ZNF785: variants seen among roughly 807,000 people sequenced by gnomAD.
ZNF785 encodes zinc finger protein 785.
ZNF785 carries 15 observed loss-of-function variants against 11.3 expected under a neutral mutation model. The ratio of observed to expected loss-of-function variants is 1.32; its 90% CI spans 0.89 to 2.04. The LOEUF (loss-of-function observed/expected upper bound fraction) is 2.04, where lower values mean the gene tolerates loss of function less well. Ranked by LOEUF, ZNF785 falls within the 30% of genes most tolerant of loss-of-function variation. ZNF785 has a pLI of 0.00. For synonymous variants in ZNF785, 221 were observed against 231.0 expected (o/e 0.96, Z 0.39); for missense variants, 572 against 560.9 (o/e 1.02, Z -0.20).
Position 30,582,646 on chromosome 16 carries a change from G to C in ZNF785, c.1132C>G (p.Arg378Gly). 1.9e-6 allele frequency: 3 copies of C among 1,614,168 alleles called. No homozygotes were observed. The highest frequency in any genetic ancestry group is 1.3e-5 in the African/African-American group (1 of 75,070). The stretch of plus-strand genomic sequence containing the variant: ...CCCAAAACAGGGATGGGCTCTGAAC[G>C]CCCCACCACGGCCTGCTGCCACGCG... Reference protein sequence around the residue: ...RRAWQQAVVGRSEPIPVLGGK... With the variant: ...RRAWQQAVVGGSEPIPVLGGK... The change falls in exon 3 of 3, where the codon CGT becomes GGT. Residue 378 changes from arginine (R) to glycine (G), a missense_variant. Transcript: ENST00000395216.
intron 2 of ZNF785, among the ~76,000 whole-genome samples, chr16:30,584,071 G>A (rs1290704920): frequency 6.7e-6 from 1 of 150,110 alleles, no homozygotes; most frequent in East Asian, 2.0e-4. Context: ...CTGGAACTGG[G>A]GAGGTGGAGG....
chr16:30,579,232 A>G (rs923984874), downstream of ZNF785: 2 of 152,962 alleles, frequency 1.3e-5, no homozygotes, highest in Non-Finnish European at 2.9e-5. Context: ...GCAGATTGAC[A>G]TGTGTAAAAC....
In ZNF785 at chr16:30,585,291, G is replaced by T; in HGVS notation, c.206-41C>A. 1 of 1,609,266 alleles carries T rather than the reference G, an allele frequency of 6.2e-7. No individual in the cohort carries two copies. Among genetic ancestry groups the T allele is most frequent in the Non-Finnish European group, 8.5e-7 (1 of 1,178,150 alleles). On this transcript the variant is annotated intron_variant, in intron 1 of 2. Coordinates refer to ENST00000395216, the MANE Select transcript of ZNF785 (RefSeq NM_152458.7). This position sits in a 1 kb window ranked among gnomAD's most constrained non-coding sequence, Gnocchi z 4.0. ...AATGGGCTCGGCTGAGCGCACGGGA[G>T]GGGAGAATGAGACTGCTCCCTCGGC...
rs1596577319 is a variant in ZNF785, at chr16:30,585,668, G to C, written c.-57C>G. On this transcript the variant is annotated 5_prime_UTR_variant, in exon 1 of 3. Coordinates refer to ENST00000395216, the MANE Select transcript of ZNF785 (RefSeq NM_152458.7). The surrounding 1 kb of genome is among the most constrained non-coding windows in gnomAD (Gnocchi z 4.0). ...TTCCGGGGAAGGTGGAGATGCTGGC[G>C]CTTTCCTGTCTTTCCTCAGACAAGT... 2 of 1,444,452 alleles carry C rather than the reference G, an allele frequency of 1.4e-6. No individual in the cohort carries two copies. The highest frequency in any genetic ancestry group is 9.0e-7 in the Non-Finnish European group (1 of 1,106,278). The allele number at this position is 1,444,452 out of a possible 1,614,324, so 89.5% of individuals were successfully genotyped here.
In ZNF785 at chr16:30,582,791, A is replaced by T; in HGVS notation, c.987T>A (p.Ser329Arg). 3.1e-6 allele frequency: 5 copies of T among 1,606,460 alleles called. No individual in the cohort carries two copies. The highest frequency in any genetic ancestry group is 4.3e-6 in the Non-Finnish European group (5 of 1,175,054). The change falls in exon 3 of 3, where the codon AGT (serine) becomes AGA (arginine). Residue 329 changes from serine (S) to arginine (R), a missense_variant. Ser to Arg is a moderately radical substitution (Grantham distance 110, BLOSUM62 -1). Coordinates refer to ENST00000395216, the MANE Select transcript of ZNF785 (RefSeq NM_152458.7). ...GGCTGTCGGAGTGAATGCGCCGGTG[A>T]CTGAGGAGGAGGGAAGAATAGGTGA... ...RRFTYSSLLL[S>R]HRRIHSDSRP...
chr16:30,584,931 T>C (rs2051868213), intron 2 of ZNF785, among the ~76,000 whole-genome samples, 191 bp downstream of exon 2: 2 of 152,108 alleles, frequency 1.3e-5, no homozygotes. Flanking sequence ...TTTTCCAGTA[T>C]GGTTAATCGG....
downstream of ZNF785, chr16:30,579,528 C>T (rs2051779721): frequency 2.2e-5 from 6 of 272,180 alleles, no homozygotes; most frequent in South Asian, 2.2e-4. Context: ...GCTGGGACTA[C>T]AGGCATGTGC....
In ZNF785 at chr16:30,584,174, C is replaced by T. The variant is rs138572434; in HGVS notation, c.335-731G>A. Among the ~76,000 whole-genome samples, 100 of 152,140 alleles carry T rather than the reference C, an allele frequency of 6.6e-4. 2 individuals are homozygous for T. Among genetic ancestry groups the T allele is most frequent in the African/African-American group, 2.4e-3 (98 of 41,534 alleles). ...AAATAAAAAAAGAAAAAGGAGTGAACAATATTGAACGCTTAACTCTGTGTC... is the reference window on the plus strand; with the variant it reads ...AAATAAAAAAAGAAAAAGGAGTGAATAATATTGAACGCTTAACTCTGTGTC... On this transcript the variant is annotated intron_variant, in intron 2 of 2. Coordinates refer to ENST00000395216, the MANE Select transcript of ZNF785 (RefSeq NM_152458.7).
chr16:30,585,402 C>T lies in ZNF785; in HGVS notation c.205+5G>A. 1 of 1,583,868 alleles carries T rather than the reference C, an allele frequency of 6.3e-7. No homozygotes were observed. Among genetic ancestry groups the T allele is most frequent in the East Asian group, 2.3e-5 (1 of 43,354 alleles). ...GGGGGTCCCGGCCGGAGGGCCCGGCCTCACCCAGCGCGCCCAGGTGGCCGA... is the reference window on the plus strand; with the variant it reads ...GGGGGTCCCGGCCGGAGGGCCCGGCTTCACCCAGCGCGCCCAGGTGGCCGA... On this transcript the variant is annotated splice_donor_5th_base_variant and intron_variant, in intron 1 of 2. Transcript: ENST00000395216. This position sits in a 1 kb window ranked among gnomAD's most constrained non-coding sequence, Gnocchi z 4.0.
rs531772729 is a variant in ZNF785, at chr16:30,582,658, C to T, written c.1120G>A (p.Ala374Thr). 2 of 1,614,202 alleles carry T rather than the reference C, an allele frequency of 1.2e-6. No homozygotes were observed. The highest frequency in any genetic ancestry group is 2.2e-5 in the East Asian group (1 of 44,888). ...SCSERRAWQQ[A>T]VVGRSEPIPV... is the part of the protein sequence containing the mutation. ...ATGGGCTCTGAACGCCCCACCACGGCCTGCTGCCACGCGCGCCTCTCGCTG... is the reference window on the plus strand; with the variant it reads ...ATGGGCTCTGAACGCCCCACCACGGTCTGCTGCCACGCGCGCCTCTCGCTG... The change falls in exon 3 of 3, where the codon GCC (alanine) becomes ACC (threonine). Residue 374 changes from alanine (A) to threonine (T), a missense_variant. Ala to Thr is a moderately conservative substitution (Grantham distance 58). Transcript: ENST00000395216.
chr16:30,582,586 G>GA lies in ZNF785; in HGVS notation c.1191dup (p.Pro398SerfsTer47), dbSNP rs780845790. On this transcript the variant is annotated frameshift_variant, in exon 3 of 3. Coordinates refer to ENST00000395216, the MANE Select transcript of ZNF785 (RefSeq NM_152458.7). LOFTEE classifies it high-confidence loss of function. The stretch of plus-strand genomic sequence containing the variant: ...CACCCACACTCTTGAAATATATCTG[G>GA]AAAGTGCCGGAAGTGAACTGGGGGA... 6.2e-7 allele frequency: 1 copy of GA among 1,614,088 alleles called. No individual in the cohort carries two copies. The highest frequency in any genetic ancestry group is 1.1e-5 in the South Asian group (1 of 91,088).
Position 30,582,603 on chromosome 16 carries a change from A to C in ZNF785, c.1175T>G (p.Val392Gly), listed in dbSNP as rs758252253. The C allele has an allele frequency of 1.9e-6, 3 of 1,614,016 alleles. No individual in the cohort carries two copies. In the African/African-American group the frequency reaches 4.0e-5, roughly 22 times the overall value. ...IPVLGGKDPP[V>G]HFRHFPDIFQ... ...TATATCTGGAAAGTGCCGGAAGTGA[A>C]CTGGGGGATCCTTGCCTCCCAAAAC... Residue 392 changes from valine (V) to glycine (G), a missense_variant, in exon 3 of 3, where the codon GTT becomes GGT. Physicochemically the swap from Val to Gly is moderately radical, Grantham distance 109. Transcript: ENST00000395216.
In ZNF785 at chr16:30,580,993, C is replaced by T. The variant is rs971702047; in HGVS notation, c.*1567G>A. 7.9e-5 allele frequency: 12 copies of T among 151,776 alleles called. No homozygotes were observed. The highest frequency in any genetic ancestry group is 2.1e-4 in the South Asian group (1 of 4,812). 9.4% of individuals were successfully genotyped at this position (151,776 alleles called of 1,614,324 possible). On this transcript the variant is annotated 3_prime_UTR_variant, in exon 3 of 3. Transcript: ENST00000395216. ...GACCAGCCTGGCCAACATGGTGAAA[C>T]CTGTCTCTAGTAAAAATGCAATTAG...
At chr16:30,583,558 G>T (rs776924797) in intron 2 of ZNF785, 115 bp from the exon 3 acceptor site, 19 of 1,414,584 alleles carry the variant, frequency 1.3e-5, no homozygotes, top group Non-Finnish European at 1.8e-5. Flanking sequence ...GAAGGCAGCA[G>T]GAATGGTTCA....
At chr16:30,583,710 G>T in intron 2 of ZNF785, 1 of 358,224 alleles carries the variant, frequency 2.8e-6, no homozygotes, top group South Asian at 5.6e-5. Flanking sequence ...AGAGGAGTCG[G>T]GCCGGGTGCC....
At chr16:30,583,845 TAAA>T (rs57893410) in intron 2 of ZNF785, 4 of 122,242 alleles carry the variant, frequency 3.3e-5, no homozygotes, top group Non-Finnish European at 5.5e-5. Context: ...AACTCTCTAA[TAAA>T]AAAAAAAAAA....
intron 2 of ZNF785, among the ~76,000 whole-genome samples, chr16:30,584,724 A>G (rs1198149294): frequency 6.6e-6 from 1 of 151,610 alleles, no homozygotes. Context: ...TTATTCTGGT[A>G]TCAGGGCTGC....
At position 30,581,198 on chromosome 16, in the gene ZNF785, G is replaced by A. The variant is rs1260229416; in HGVS notation, c.*1362C>T. Reference sequence around the variant, plus strand: ...AAAGAGGCTGGGTGCAGTGGCTCACGCCTGTAATCCCAGCACTTTGGGAGG... The same window carrying A: ...AAAGAGGCTGGGTGCAGTGGCTCACACCTGTAATCCCAGCACTTTGGGAGG... On this transcript the variant is annotated 3_prime_UTR_variant, in exon 3 of 3. Transcript: ENST00000395216. 1 of 151,882 alleles carries A rather than the reference G, an allele frequency of 6.6e-6. No individual in the cohort carries two copies. The highest frequency in any genetic ancestry group is 1.5e-5 in the Non-Finnish European group (1 of 68,274). 9.4% of individuals were successfully genotyped at this position (151,882 alleles called of 1,614,324 possible). A position where few individuals can be genotyped will look rare whatever the true frequency, so the allele number is the denominator to read the frequency against.
Position 30,583,358 on chromosome 16 carries a change from C to G in ZNF785, c.420G>C (p.Glu140Asp). The G allele has an allele frequency of 6.2e-7, 1 of 1,612,846 alleles. No individual in the cohort carries two copies. Among genetic ancestry groups the G allele is most frequent in the Non-Finnish European group, 8.5e-7 (1 of 1,179,270 alleles). ...KEVAHEVAVK[E>D]WWPSVACPEF... is the part of the protein sequence containing the mutation. Reference sequence around the variant, plus strand: ...CTGGGCAGGCGACGCTGGGCCACCACTCCTTGACAGCCACTTCATGCGCCA... The same window carrying G: ...CTGGGCAGGCGACGCTGGGCCACCAGTCCTTGACAGCCACTTCATGCGCCA... Residue 140 changes from glutamate (E) to aspartate (D), a missense_variant, in exon 3 of 3, where the codon GAG becomes GAC. Glu to Asp is a conservative substitution (Grantham distance 45). Coordinates refer to ENST00000395216, the MANE Select transcript of ZNF785 (RefSeq NM_152458.7).
Sources: gnomAD v4.1 joint callset for allele counts (sites outside exome capture counted in the v4.1 genomes callset) on GRCh38, gnomAD v4.1.1 for gene constraint, Gnocchi (gnomAD v3.1) non-coding constraint, MANE v1.5 for transcripts, NCBI Gene and HGNC (gene_info 2026-07-23, HGNC 2026-07-21) for gene names.